CHRM1: variants seen among roughly 807,000 people sequenced by gnomAD.
CHRM1 encodes muscarinic acetylcholine receptor M1.
CHRM1 carries 5 observed loss-of-function variants against 31.6 expected under a neutral mutation model. That is an observed-to-expected ratio of 0.16 (90% confidence interval 0.08 to 0.33). The LOEUF is 0.33. CHRM1 is among the 10% of genes least tolerant of loss of function. The pLI, the probability that CHRM1 is intolerant of heterozygous loss-of-function variation, is 1.00. For synonymous variants in CHRM1, 227 were observed against 249.7 expected (o/e 0.91, Z 0.86); for missense variants, 338 against 610.3 (o/e 0.55, Z 4.70).
chr11:62,909,515 TC>T lies in CHRM1; in HGVS notation c.*202del, dbSNP rs1405516103. On this transcript the variant is annotated 3_prime_UTR_variant, in exon 2 of 2. Transcript: ENST00000306960. ...CCCAGCAGGGAACAGAAAAACCAGT[TC>T]CCCGGGTTTCCCTCCCTGCCTGGGA... 3.2e-6 allele frequency: 2 copies of T among 617,698 alleles called. No homozygotes were observed. The highest frequency in any genetic ancestry group is 4.3e-5 in the South Asian group (2 of 46,734). 38.3% of individuals were successfully genotyped at this position (617,698 alleles called of 1,614,324 possible).
chr11:62,916,196 C>T (rs1378693039), intron 1 of CHRM1, among the ~76,000 whole-genome samples: 2 of 152,312 alleles, frequency 1.3e-5, no homozygotes, highest in East Asian at 3.9e-4. Flanking sequence ...AGGCACGACC[C>T]TACTCTGCCT....
At chr11:62,914,338 G>A (rs1384150064) in intron 1 of CHRM1, among the ~76,000 whole-genome samples, 1 of 152,204 alleles carries the variant, frequency 6.6e-6, no homozygotes, top group African/African-American at 2.4e-5. Context: ...TAGGATTTGA[G>A]CCCAAGCAGT....
At position 62,909,988 on chromosome 11, in the gene CHRM1, G is replaced by A. The variant is rs985592096; in HGVS notation, c.1113C>T (p.Leu371=). The change falls in exon 2 of 2, where the codon CTC becomes CTT. Residue 371 remains leucine, a synonymous_variant. Coordinates refer to ENST00000306960, the MANE Select transcript of CHRM1 (RefSeq NM_000738.3). ...GTGTCCAGGTGAGGATGAAGGCCAGGAGGATGGCACTCAGGGTCCGAGCCG... is the reference window on the plus strand; with the variant it reads ...GTGTCCAGGTGAGGATGAAGGCCAGAAGGATGGCACTCAGGGTCCGAGCCG... ...KKAARTLSAI[L]LAFILTWTPY... is the part of the protein sequence containing the mutation. The A allele has an allele frequency of 3.1e-6, 5 of 1,614,022 alleles. No homozygotes were observed. In the African/African-American group the frequency reaches 5.3e-5, roughly 17 times the overall value.
chr11:62,910,138 G>A lies in CHRM1; in HGVS notation c.963C>T (p.Ser321=). ...AQAPTKQPPR[S]SPNTVKRPTK... ...TCGGCCTCTTGACTGTATTTGGGGA[G>A]CTCCGTGGGGGCTGCTTGGTGGGGG... Residue 321 remains serine (S), a synonymous_variant, in exon 2 of 2, where the codon AGC becomes AGT. Transcript: ENST00000306960. This position sits in a 1 kb window ranked among gnomAD's most constrained non-coding sequence, Gnocchi z 8.7. 1 of 1,607,878 alleles carries A rather than the reference G, an allele frequency of 6.2e-7. No homozygotes were observed. The highest frequency in any genetic ancestry group is 8.5e-7 in the Non-Finnish European group (1 of 1,177,050).
intron 1 of CHRM1, among the ~76,000 whole-genome samples, chr11:62,920,410 A>G (rs2135050166): frequency 6.6e-6 from 1 of 152,162 alleles, no homozygotes; most frequent in East Asian, 1.9e-4. Context: ...CCCCTAGCCC[A>G]TCCCCATGTT....
intron 1 of CHRM1, among the ~76,000 whole-genome samples, chr11:62,911,571 C>T (rs984390014): frequency 6.6e-6 from 1 of 152,208 alleles, no homozygotes; most frequent in Non-Finnish European, 1.5e-5. Context: ...CCCTCACTTA[C>T]TGAGTAGTCA....
intron 1 of CHRM1, among the ~76,000 whole-genome samples, chr11:62,913,570 C>T (rs895437041): frequency 4.0e-4 from 60 of 151,516 alleles, no homozygotes; most frequent in Admixed American, 3.9e-3. Flanking sequence ...ACTCTGGAGG[C>T]TGAGGCAGGA....
At chr11:62,912,423 A>G (rs573222304) in intron 1 of CHRM1, among the ~76,000 whole-genome samples, 27 of 150,972 alleles carry the variant, frequency 1.8e-4, no homozygotes, top group Admixed American at 6.6e-4. Flanking sequence ...GGGCAAAAGC[A>G]GGAAGCAGGG....
intron 1 of CHRM1, among the ~76,000 whole-genome samples, chr11:62,915,171 T>C (rs1315790500): frequency 1.1e-5 from 1 of 88,320 alleles, no homozygotes; most frequent in East Asian, 3.3e-4. Context: ...TGAGACCCTG[T>C]CTCAAAAAAA....
chr11:62,919,765 AG>A (rs1283531139), intron 1 of CHRM1, among the ~76,000 whole-genome samples: 10 of 152,132 alleles, frequency 6.6e-5, no homozygotes, highest in Non-Finnish European at 1.2e-4. Flanking sequence ...CTGCTCATGG[AG>A]GCGGCAGCGC....
At chr11:62,916,694 T>C (rs1371810870) in intron 1 of CHRM1, among the ~76,000 whole-genome samples, 1 of 152,228 alleles carries the variant, frequency 6.6e-6, no homozygotes, top group Non-Finnish European at 1.5e-5. Context: ...TGGGGGGCTC[T>C]ATCTTTATAT....
chr11:62,915,219 C>T (rs1355399612), intron 1 of CHRM1, among the ~76,000 whole-genome samples: 2 of 145,502 alleles, frequency 1.4e-5, no homozygotes, highest in African/African-American at 5.1e-5. Flanking sequence ...ACTCCTTATA[C>T]CTCAGCAGGC....
At position 62,910,738 on chromosome 11, in the gene CHRM1, A is replaced by G. The variant is rs1233674552; in HGVS notation, c.363T>C (p.Phe121=). 13 of 1,614,206 alleles carry G rather than the reference A, an allele frequency of 8.1e-6. No homozygotes were observed. The highest frequency in any genetic ancestry group is 1.1e-5 in the Non-Finnish European group (13 of 1,180,038). ...ASVMNLLLIS[F]DRYFSVTRPL... is the part of the protein sequence containing the mutation. Reference sequence around the variant, plus strand: ...GCCGAGTCACGGAGAAGTAGCGGTCAAAGCTGATGAGCAGCAGATTCATGA... The same window carrying G: ...GCCGAGTCACGGAGAAGTAGCGGTCGAAGCTGATGAGCAGCAGATTCATGA... The change falls in exon 2 of 2, where the codon TTT becomes TTC. Residue 121 remains phenylalanine (F), a synonymous_variant. Transcript: ENST00000306960. The surrounding 1 kb of genome is among the most constrained non-coding windows in gnomAD (Gnocchi z 8.7).
chr11:62,919,885 C>A (rs2085922784), intron 1 of CHRM1, among the ~76,000 whole-genome samples: 1 of 152,198 alleles, frequency 6.6e-6, no homozygotes, highest in Non-Finnish European at 1.5e-5. Context: ...CTCAGTCCCT[C>A]CATACAATAG....
chr11:62,915,103 A>G (rs2085893558), intron 1 of CHRM1, among the ~76,000 whole-genome samples: 2 of 137,768 alleles, frequency 1.5e-5, no homozygotes, highest in Non-Finnish European at 3.0e-5. Flanking sequence ...TGAGCCCAGG[A>G]GGCAGAGGTT....
At chr11:62,919,553 GCC>G (rs1415906519) in intron 1 of CHRM1, among the ~76,000 whole-genome samples, 1 of 152,090 alleles carries the variant, frequency 6.6e-6, no homozygotes, top group Non-Finnish European at 1.5e-5. Context: ...CTCTCCGCAA[GCC>G]CCCTGCTCCT....
chr11:62,912,367 C>CAA (rs571661164), intron 1 of CHRM1, among the ~76,000 whole-genome samples: 162 of 67,106 alleles, frequency 2.4e-3, no homozygotes, highest in East Asian at 0.011. Flanking sequence ...GACTCCATCT[C>CAA]AAAAAAAAAA....
At chr11:62,915,811 A>G (rs1402226355) in intron 1 of CHRM1, among the ~76,000 whole-genome samples, 3 of 151,928 alleles carry the variant, frequency 2.0e-5, no homozygotes, top group Admixed American at 6.6e-5. Context: ...TGTTATTATT[A>G]TTATTATTAT....
rs1411222098 is a variant in CHRM1 at position 62,910,047 on chromosome 11, G to T, written c.1054C>A (p.Arg352=). ...KPRGKEQLAK[R]KTFSLVKEKK... ...TCCTTGACCAGCGAGAAGGTCTTCC[G>T]CTTGGCCAGCTGCTCCTTTCCACGG... The change falls in exon 2 of 2, where the codon CGG becomes AGG. Residue 352 remains arginine (R), a synonymous_variant. Coordinates refer to ENST00000306960, the MANE Select transcript of CHRM1 (RefSeq NM_000738.3). This position sits in a 1 kb window ranked among gnomAD's most constrained non-coding sequence, Gnocchi z 8.7. The T allele has an allele frequency of 1.9e-6, 3 of 1,613,434 alleles. No individual in the cohort carries two copies. The highest frequency in any genetic ancestry group is 2.2e-5 in the East Asian group (1 of 44,882).
Sources: allele counts gnomAD v4.1 joint callset (sites outside exome capture counted in the v4.1 genomes callset), GRCh38; gene constraint gnomAD v4.1.1; non-coding constraint Gnocchi (gnomAD v3.1); transcripts MANE v1.5; gene names NCBI Gene and HGNC (gene_info 2026-07-23, HGNC 2026-07-21).